DENND3: variants seen among roughly 807,000 people sequenced by gnomAD.
DENND3 encodes the protein DENN domain-containing protein 3.
Under a neutral mutation model 135.1 loss-of-function variants are expected in DENND3, and 88 were observed. That is an observed-to-expected ratio of 0.65 (90% confidence interval 0.55 to 0.78). The LOEUF is 0.78. Ranked by LOEUF, DENND3 falls within the 30% of genes least tolerant of loss-of-function variation. The probability of loss-of-function intolerance (pLI) is 0.00; values close to 1 mark genes in which losing one functional copy is unlikely to be tolerated. For synonymous variants in DENND3, 693 were observed against 712.3 expected (o/e 0.97, Z 0.43); for missense variants, 1,392 against 1,688.4 (o/e 0.82, Z 3.08).
rs527685023 is a variant in DENND3, at chr8:141,189,209, G to A, written c.3245+63G>A. On this transcript the variant is annotated intron_variant, in intron 19 of 22. Coordinates refer to ENST00000519811, the MANE Select transcript of DENND3 (RefSeq NM_001352890.3). ...CTTGTGGGTGGGCAGAAGGCACAGC[G>A]GGTAGGGTTCCCAAGTCTTGTGCCC... The A allele has an allele frequency of 8.2e-5, 131 of 1,607,014 alleles. No individual in the cohort carries two copies. In the East Asian group the frequency reaches 1.4e-3, roughly 17 times the overall value.
intron 9 of DENND3, 30 bp from the exon 10 acceptor site, chr8:141,163,303 T>C (rs1820369183): frequency 7.3e-7 from 1 of 1,376,010 alleles, no homozygotes; most frequent in Non-Finnish European, 1.0e-6. Flanking sequence ...AAGAAAGTTT[T>C]AGCACTCAGA....
intron 1 of DENND3, among the ~76,000 whole-genome samples, chr8:141,133,591 G>T (rs1324448908): frequency 6.6e-6 from 1 of 152,168 alleles, no homozygotes; most frequent in Non-Finnish European, 1.5e-5. Context: ...CTTGCTACCT[G>T]CCTGGAGCCA....
rs1013599179 is a variant in DENND3, at chr8:141,183,884, G to A, written c.2945-1255G>A. 8.5e-5 allele frequency among the ~76,000 whole-genome samples: 13 copies of A among 152,236 alleles called. No individual in the cohort carries two copies. In the East Asian group the frequency reaches 1.7e-3, roughly 20 times the overall value. ...TTGAAACAGGAGTGGAGTCCAGGCC[G>A]CCACCGCCCAGGCAGAGGGAGCAGC... On this transcript the variant is annotated intron_variant, in intron 17 of 22. Coordinates refer to ENST00000519811, the MANE Select transcript of DENND3 (RefSeq NM_001352890.3).
intron 8 of DENND3, chr8:141,157,558 C>G (rs1247019710): frequency 3.0e-6 from 3 of 985,708 alleles, no homozygotes; most frequent in Admixed American, 6.2e-5. Context: ...TCTGGTGAAG[C>G]CTGTGATGCA....
intron 18 of DENND3, chr8:141,185,593 G>A (rs1279229328): frequency 8.9e-6 from 2 of 224,010 alleles, no homozygotes; most frequent in Non-Finnish European, 9.1e-6. Context: ...GGGAGGCTGA[G>A]GTGGGTGGAT....
rs1347386863 is a variant in DENND3 at position 141,155,992 on chromosome 8, AT to A, written c.1196+23del. 3 of 1,579,138 alleles carry A rather than the reference AT, an allele frequency of 1.9e-6. No individual in the cohort carries two copies. The African/African-American group carries it at 4.1e-5, about 21-fold the overall frequency. ...AGAGGTAACGGGAAACATTAATGGT[AT>A]GAATTTCAGACCGTCTTTGTTCAGA... is the stretch of plus-strand genomic sequence containing the variant. On this transcript the variant is annotated intron_variant, in intron 8 of 22. Coordinates refer to ENST00000519811, the MANE Select transcript of DENND3 (RefSeq NM_001352890.3).
intron 20 of DENND3, 170 bp downstream of exon 20, chr8:141,190,587 C>G: frequency 9.3e-7 from 1 of 1,070,188 alleles, no homozygotes; most frequent in East Asian, 3.0e-5. Flanking sequence ...ACCTGCACTG[C>G]TGCTCCTGGG....
intron 18 of DENND3, chr8:141,188,766 A>G: frequency 1.8e-6 from 1 of 553,860 alleles, no homozygotes; most frequent in South Asian, 2.6e-5. Flanking sequence ...ATACGTAGTC[A>G]ATAAGGTGTC....
intron 14 of DENND3, 48 bp from the exon 15 acceptor site, chr8:141,176,543 G>A (rs374897942): frequency 1.1e-5 from 18 of 1,610,506 alleles, no homozygotes; most frequent in African/African-American, 9.4e-5. Flanking sequence ...GTGAATCCAC[G>A]TGTTCTCTGA....
chr8:141,146,281 G>GT lies in DENND3; in HGVS notation c.735+2030dup, dbSNP rs938733701. Among the ~76,000 whole-genome samples, 1 of 152,018 alleles carries GT rather than the reference G, an allele frequency of 6.6e-6. No homozygotes were observed. The highest frequency in any genetic ancestry group is 1.5e-5 in the Non-Finnish European group (1 of 67,986). ...GAACAGGCAAACATTTCCCAGGCTG[G>GT]TTTTTTTTCTGAGAGATGTTATTGG... is the stretch of plus-strand genomic sequence containing the variant. On this transcript the variant is annotated intron_variant, in intron 5 of 22. Transcript: ENST00000519811. This position sits in a 1 kb window ranked among gnomAD's most constrained non-coding sequence, Gnocchi z 4.3.
intron 8 of DENND3, among the ~76,000 whole-genome samples, chr8:141,159,148 G>A (rs1394942031): frequency 6.6e-6 from 1 of 152,208 alleles, no homozygotes; most frequent in Non-Finnish European, 1.5e-5. Flanking sequence ...CTGCTGCTCA[G>A]CACGTTTGGA....
In DENND3 at chr8:141,165,126, T is replaced by G. The variant is rs1352304835; in HGVS notation, c.1450-60T>G. On this transcript the variant is annotated intron_variant, in intron 10 of 22. Coordinates refer to ENST00000519811, the MANE Select transcript of DENND3 (RefSeq NM_001352890.3). ...TCTGTGCCAGGAAGGCTCAGGGGCT[T>G]TGGAGCAGGGACCTGGGGAGTCGGC... 3.7e-6 allele frequency: 5 copies of G among 1,357,906 alleles called. 1 individual carries two copies. The highest frequency in any genetic ancestry group is 5.2e-6 in the Non-Finnish European group (5 of 952,824). 84.1% of individuals were successfully genotyped at this position (1,357,906 alleles called of 1,614,324 possible).
In DENND3 at chr8:141,141,643, A is replaced by G; in HGVS notation, c.623+319A>G. ...AGTAAGGTTGATGTTCAGGATTTTC[A>G]TTTTGTTTAGTTTTTCACAAAAAGG... On this transcript the variant is annotated intron_variant, in intron 4 of 22. Transcript: ENST00000519811. This position sits in a 1 kb window ranked among gnomAD's most constrained non-coding sequence, Gnocchi z 5.3. The G allele has an allele frequency of 3.3e-6, 1 of 303,396 alleles. No individual in the cohort carries two copies. The highest frequency in any genetic ancestry group is 4.4e-5 in the South Asian group (1 of 22,528). The allele number at this position is 303,396 out of a possible 1,614,324, so 18.8% of individuals were successfully genotyped here. A position where few individuals can be genotyped will look rare whatever the true frequency, so the allele number is the denominator to read the frequency against.
Position 141,137,928 on chromosome 8 carries a change from A to T in DENND3, c.386-94A>T. 1.6e-6 allele frequency: 2 copies of T among 1,235,802 alleles called. No homozygotes were observed. Among genetic ancestry groups the T allele is most frequent in the Non-Finnish European group, 2.3e-6 (2 of 876,700 alleles). The allele number at this position is 1,235,802 out of a possible 1,614,324, so 76.6% of individuals were successfully genotyped here. On this transcript the variant is annotated intron_variant, in intron 2 of 22. Transcript: ENST00000519811. This position sits in a 1 kb window ranked among gnomAD's most constrained non-coding sequence, Gnocchi z 4.1. ...AAGGCACCACCACTGCTAACTGTGGAGGTGTGTCCTAAACACTGTGAAGAA... is the reference window on the plus strand; with the variant it reads ...AAGGCACCACCACTGCTAACTGTGGTGGTGTGTCCTAAACACTGTGAAGAA...
At chr8:141,140,336 T>G (rs1817299967) in intron 3 of DENND3, among the ~76,000 whole-genome samples, 1 of 152,150 alleles carries the variant, frequency 6.6e-6, no homozygotes, top group African/African-American at 2.4e-5. Flanking sequence ...CGGGCTACTG[T>G]AACAGTAGCA....
chr8:141,170,069 G>A (rs1241236538), intron 13 of DENND3, among the ~76,000 whole-genome samples: 2 of 152,246 alleles, frequency 1.3e-5, no homozygotes, highest in East Asian at 3.8e-4. Flanking sequence ...ACTCTCGCCC[G>A]TTGTGAGCCT....
Position 141,182,263 on chromosome 8 carries a change from A to C in DENND3, c.2944+1409A>C. 2.8e-5 allele frequency: 27 copies of C among 970,446 alleles called. No individual in the cohort carries two copies. Among genetic ancestry groups the C allele is most frequent in the East Asian group, 1.1e-4 (1 of 8,744 alleles). The allele number at this position is 970,446 out of a possible 1,614,324, so 60.1% of individuals were successfully genotyped here. ...CACGGAGCTCATGCTTCAGGTGGGCAGAGAAGCTGTGTGTGAAGCGATTTC... is the reference window on the plus strand; with the variant it reads ...CACGGAGCTCATGCTTCAGGTGGGCCGAGAAGCTGTGTGTGAAGCGATTTC... On this transcript the variant is annotated intron_variant, in intron 17 of 22. Transcript: ENST00000519811. The surrounding 1 kb of genome is among the most constrained non-coding windows in gnomAD (Gnocchi z 5.9).
intron 6 of DENND3, among the ~76,000 whole-genome samples, chr8:141,151,302 TGTAATCCCA>T (rs1175628618): frequency 6.6e-6 from 1 of 152,200 alleles, no homozygotes; most frequent in Non-Finnish European, 1.5e-5. Context: ...GGCTCATGCC[TGTAATCCCA>T]GTACTTTGGG....
At chr8:141,190,451 C>G (rs1824571773) in intron 20 of DENND3, 34 bp downstream of exon 20, 1 of 1,577,280 alleles carries the variant, frequency 6.3e-7, no homozygotes, top group Admixed American at 1.8e-5. Context: ...AGCGGGCACC[C>G]TACCTCCCTG....
Sources: gnomAD v4.1 joint callset for allele counts (sites outside exome capture counted in the v4.1 genomes callset) on GRCh38, gnomAD v4.1.1 for gene constraint, Gnocchi (gnomAD v3.1) non-coding constraint, MANE v1.5 for transcripts, NCBI Gene and HGNC (gene_info 2026-07-23, HGNC 2026-07-21) for gene names.